URI1: variants seen among roughly 807,000 people sequenced by gnomAD.
URI1 encodes the protein unconventional prefoldin RPB5 interactor 1.
In URI1, 39 loss-of-function variants were observed where a neutral mutation model predicts 60.2. That is an observed-to-expected ratio of 0.65 (90% confidence interval 0.50 to 0.85). The LOEUF (loss-of-function observed/expected upper bound fraction) is 0.85, where lower values mean the gene tolerates loss of function less well. Ranked by LOEUF, URI1 falls within the 40% of genes least tolerant of loss-of-function variation. The probability of loss-of-function intolerance (pLI) is 0.00; values close to 1 mark genes in which losing one functional copy is unlikely to be tolerated. For synonymous variants in URI1, 251 were observed against 236.8 expected, an observed-to-expected ratio of 1.06 and a Z score of -0.55; for missense variants, 691 against 665.9, an observed-to-expected ratio of 1.04 and a Z score of -0.42.
At position 29,942,583 on chromosome 19, in the gene URI1, C is replaced by A; in HGVS notation, c.36C>A (p.Pro12=). The change falls in exon 1 of 11, where the codon CCC becomes CCA. Residue 12 remains proline (P), a synonymous_variant. Transcript: ENST00000392271. ...EAPTVETPPD[P]SPPSAPAPAL... Reference sequence around the variant, plus strand: ...CCACCGTGGAGACGCCCCCCGACCCCTCGCCCCCTTCGGCCCCGGCCCCTG... The same window carrying A: ...CCACCGTGGAGACGCCCCCCGACCCATCGCCCCCTTCGGCCCCGGCCCCTG... The A allele has an allele frequency of 7.0e-7, 1 of 1,428,048 alleles. No individual in the cohort carries two copies. Among genetic ancestry groups the A allele is most frequent in the East Asian group, 2.9e-5 (1 of 33,920 alleles). 88.5% of individuals were successfully genotyped at this position (1,428,048 alleles called of 1,614,324 possible).
In URI1 at chr19:29,987,419, T is replaced by C. The variant is rs151269897; in HGVS notation, c.367+1002T>C. Among the ~76,000 whole-genome samples the C allele has an allele frequency of 3.7e-3, 566 of 152,344 alleles. 3 individuals carry two copies. The highest frequency in any genetic ancestry group is 0.013 in the African/African-American group (532 of 41,584). Reference sequence around the variant, plus strand: ...CTCCTATAAGTTTATAATTGATATATATTTTGATCTTTTGTGACACTAATC... The same window carrying C: ...CTCCTATAAGTTTATAATTGATATACATTTTGATCTTTTGTGACACTAATC... On this transcript the variant is annotated intron_variant, in intron 4 of 10. Coordinates refer to ENST00000392271, the MANE Select transcript of URI1 (RefSeq NM_003796.3).
intron 7 of URI1, 120 bp from the exon 8 acceptor site, chr19:30,008,885 C>G (rs1599725684): frequency 1.2e-6 from 1 of 827,420 alleles, no homozygotes; most frequent in Non-Finnish European, 1.8e-6. Context: ...ACTTAGAATT[C>G]TAGTTTTAAA....
At chr19:30,009,445 T>G (rs1305577555) in intron 8 of URI1, 92 bp downstream of exon 8, 1 of 1,196,344 alleles carries the variant, frequency 8.4e-7, no homozygotes, top group African/African-American at 1.5e-5. Context: ...ACAATCATTA[T>G]CATTGTGGAT....
intron 2 of URI1, among the ~76,000 whole-genome samples, chr19:29,981,496 T>C (rs1023087975): frequency 1.3e-5 from 2 of 152,084 alleles, no homozygotes; most frequent in Non-Finnish European, 2.9e-5. Flanking sequence ...TTTTTTTTAA[T>C]TTCCTTAAAA....
In URI1 at chr19:30,016,209, G is replaced by T. The variant is rs1432011711; in HGVS notation, c.*1140G>T. On this transcript the variant is annotated 3_prime_UTR_variant, in exon 11 of 11. Coordinates refer to ENST00000392271, the MANE Select transcript of URI1 (RefSeq NM_003796.3). ...CAAAGTGAAATTATGTCCTAGAAAA[G>T]TAGAAGCTATTCGTAACTAGAGCAG... is the stretch of plus-strand genomic sequence containing the variant. 3 of 152,166 alleles carry T rather than the reference G, an allele frequency of 2.0e-5. No individual in the cohort carries two copies. The East Asian group carries it at 5.8e-4, about 29-fold the overall frequency. 9.4% of individuals were successfully genotyped at this position (152,166 alleles called of 1,614,324 possible).
rs537140755 is a variant in URI1 at position 29,991,799 on chromosome 19, C to T, written c.367+5382C>T. ...GAACTTTCTACCTGGTTCTAATTTG[C>T]GGATTTTTTAAATGAAAATATGTTG... On this transcript the variant is annotated intron_variant, in intron 4 of 10. Transcript: ENST00000392271. 2.9e-4 allele frequency among the ~76,000 whole-genome samples: 44 copies of T among 152,114 alleles called. No individual in the cohort carries two copies. In the South Asian group the frequency reaches 4.8e-3, roughly 17 times the overall value.
At chr19:29,986,068 TA>T (rs897814830) in intron 3 of URI1, among the ~76,000 whole-genome samples, 1 of 152,228 alleles carries the variant, frequency 6.6e-6, no homozygotes, top group African/African-American at 2.4e-5. Context: ...TTTCCTGTTT[TA>T]ACATTGATTT....
chr19:29,928,684 T>A (rs907695380), intron 1 of URI1, among the ~76,000 whole-genome samples: 7 of 152,218 alleles, frequency 4.6e-5, no homozygotes, highest in African/African-American at 1.7e-4. Context: ...GAGGCTGTAT[T>A]AAATTTGAAT....
chr19:29,995,260 G>A (rs2055797329), intron 4 of URI1, among the ~76,000 whole-genome samples: 2 of 152,046 alleles, frequency 1.3e-5, no homozygotes, highest in African/African-American at 4.8e-5. Context: ...AAGGAATATA[G>A]TTTGAAGTGG....
chr19:29,964,075 T>C (rs1168418505), intron 1 of URI1, among the ~76,000 whole-genome samples: 2 of 152,118 alleles, frequency 1.3e-5, no homozygotes, highest in Non-Finnish European at 2.9e-5. Context: ...AAGTTCTGCT[T>C]GTTTCTTTCT....
chr19:29,956,828 C>A, intron 1 of URI1: 2 of 1,589,906 alleles, frequency 1.3e-6, no homozygotes, highest in Non-Finnish European at 1.7e-6. Context: ...AACCCGGAGC[C>A]TCTTTTTTTT....
chr19:29,926,180 G>C (rs1336139688), intron 1 of URI1, among the ~76,000 whole-genome samples: 2 of 151,546 alleles, frequency 1.3e-5, no homozygotes, highest in Non-Finnish European at 2.9e-5. Flanking sequence ...AGTGATTTCT[G>C]ATATTTTGGT....
At chr19:29,933,614 A>G (rs1208454920) in intron 1 of URI1, among the ~76,000 whole-genome samples, 1 of 151,998 alleles carries the variant, frequency 6.6e-6, no homozygotes, top group Admixed American at 6.6e-5. Flanking sequence ...TGAGCCCAGG[A>G]GTTCAAGATC....
In URI1 at chr19:30,007,506, C is replaced by G; in HGVS notation, c.554C>G (p.Pro185Arg). The G allele has an allele frequency of 6.2e-7, 1 of 1,613,090 alleles. No homozygotes were observed. The change falls in exon 7 of 11, where the codon CCA becomes CGA. Residue 185 changes from proline (P) to arginine (R), a missense_variant. By Grantham distance (103) the Pro-to-Arg change is moderately radical. Transcript: ENST00000392271. ...HRIAHKPHSKPKTSDIFEADI... is the reference protein window; with the variant it reads ...HRIAHKPHSKRKTSDIFEADI... ...ATTGCTCATAAACCGCATTCCAAAC[C>G]AAAAACTTCAGATATTTTTGAAGCA...
chr19:30,012,718 A>C (rs573789375), intron 10 of URI1, 187 bp downstream of exon 10: 8 of 690,914 alleles, frequency 1.2e-5, no homozygotes, highest in Non-Finnish European at 2.1e-6. Flanking sequence ...ATTTTTTGAT[A>C]AACACATTAC....
At chr19:29,935,175 T>C (rs2054958435) in intron 1 of URI1, among the ~76,000 whole-genome samples, 1 of 152,348 alleles carries the variant, frequency 6.6e-6, no homozygotes, top group East Asian at 1.9e-4. Context: ...CCTGTCTGTA[T>C]ATTTTTTAGT....
intron 1 of URI1, among the ~76,000 whole-genome samples, chr19:29,951,410 A>G (rs335050): frequency 0.95 from 144,753 of 152,142 alleles, 68,886 homozygotes; most frequent in East Asian, 1. Context: ...GAACTCTAGC[A>G]CCCCCCCCTT....
intron 1 of URI1, chr19:29,957,028 G>C: frequency 1.6e-6 from 1 of 615,114 alleles, no homozygotes; most frequent in East Asian, 2.9e-5. Flanking sequence ...GCCCAGAGTA[G>C]TCTTTTTAAG....
intron 9 of URI1, among the ~76,000 whole-genome samples, chr19:30,011,544 C>T (rs1298887081): frequency 6.6e-6 from 1 of 151,790 alleles, no homozygotes; most frequent in Non-Finnish European, 1.5e-5. Context: ...GGGCTAGGTC[C>T]CTACGTTTCT....
Sources: allele counts gnomAD v4.1 joint callset (sites outside exome capture counted in the v4.1 genomes callset), GRCh38; gene constraint gnomAD v4.1.1; transcripts MANE v1.5; gene names NCBI Gene and HGNC (gene_info 2026-07-23, HGNC 2026-07-21).